Variants in KIF21B observed in about 807,000 individuals in gnomAD.
The protein encoded by KIF21B is kinesin family member 21B, also known as kinesin-like protein KIF21B.
A neutral mutation model predicts 192.9 loss-of-function variants in KIF21B; 85 were observed. That is an observed-to-expected ratio of 0.44 (90% confidence interval 0.37 to 0.53). The LOEUF (loss-of-function observed/expected upper bound fraction) is 0.53, where lower values mean the gene tolerates loss of function less well. Among genes scored for constraint, KIF21B ranks in the 20% least tolerant of loss-of-function variants. The probability of loss-of-function intolerance (pLI) is 0.00; values close to 1 mark genes in which losing one functional copy is unlikely to be tolerated. For missense variants in KIF21B, 1,716 were observed against 2,194.8 expected, an observed-to-expected ratio of 0.78 and a Z score of 4.36; for synonymous variants, 832 against 884.6, an observed-to-expected ratio of 0.94 and a Z score of 1.05.
chr1:201,014,089 C>G (rs1400364972), intron 1 of KIF21B, among the ~76,000 whole-genome samples: 1 of 152,238 alleles, frequency 6.6e-6, no homozygotes, highest in Non-Finnish European at 1.5e-5. Context: ...AGAGCGGGCG[C>G]GAGAGCGAGG....
At chr1:201,006,020 TGAGAAGATCC>T (rs1237200459) in intron 3 of KIF21B, among the ~76,000 whole-genome samples, 2 of 152,234 alleles carry the variant, frequency 1.3e-5, no homozygotes, top group African/African-American at 4.8e-5. Context: ...GGCCACAATT[TGAGAAGATCC>T]TGTCGTATTC....
chr1:200,984,339 A>C (rs1398483598), intron 27 of KIF21B, among the ~76,000 whole-genome samples: 1 of 152,238 alleles, frequency 6.6e-6, no homozygotes, highest in Non-Finnish European at 1.5e-5. Context: ...GCCTGAATGC[A>C]GGGGAGGCTG....
Position 200,974,899 on chromosome 1 carries a change from C to G in KIF21B, c.4629G>C (p.Ala1543=), listed in dbSNP as rs140999969. 6.2e-7 allele frequency: 1 copy of G among 1,613,784 alleles called. No individual in the cohort carries two copies. Among genetic ancestry groups the G allele is most frequent in the Non-Finnish European group, 8.5e-7 (1 of 1,179,990 alleles). The part of the protein sequence containing the change: ...QQELIQQIPN[A]HKDWVCALAF... ...CCAGGGCGCACACCCAGTCCTTGTG[C>G]GCATTGGGGATTTGCTGTGAGAGGA... Residue 1543 remains alanine (A), a synonymous_variant, in exon 34 of 35, where the codon GCG becomes GCC. Transcript: ENST00000461742.
intron 2 of KIF21B, 82 bp downstream of exon 2, chr1:201,009,184 C>T (rs1658091428): frequency 7.3e-7 from 1 of 1,370,054 alleles, no homozygotes; most frequent in Non-Finnish European, 1.0e-6. Flanking sequence ...GTTTCAGCTG[C>T]TCTGAAGGTG....
intron 8 of KIF21B, 30 bp downstream of exon 8, chr1:201,003,556 G>GT: frequency 6.2e-7 from 1 of 1,609,346 alleles, no homozygotes; most frequent in Non-Finnish European, 8.5e-7. Flanking sequence ...TCCAAGGGGA[G>GT]TGCTGGGCAA....
chr1:200,987,342 C>A (rs757158157), intron 24 of KIF21B, 141 bp from the exon 25 acceptor site: 1 of 700,688 alleles, frequency 1.4e-6, no homozygotes, highest in Non-Finnish European at 2.3e-6. Context: ...TAGGCTCATG[C>A]GATCCCCTCA....
At chr1:200,989,581 A>C (rs1188076468) in intron 21 of KIF21B, among the ~76,000 whole-genome samples, 7 of 151,972 alleles carry the variant, frequency 4.6e-5, no homozygotes, top group Admixed American at 4.6e-4. Flanking sequence ...TAGTTCCCCT[A>C]CCCCCACATA....
chr1:201,023,222 G>C lies in KIF21B; in HGVS notation c.41+121C>G. The C allele has an allele frequency of 1.2e-6, 1 of 802,680 alleles. No homozygotes were observed. 49.7% of individuals were successfully genotyped at this position (802,680 alleles called of 1,614,324 possible). On this transcript the variant is annotated intron_variant, in intron 1 of 34. Transcript: ENST00000461742. This position sits in a 1 kb window ranked among gnomAD's most constrained non-coding sequence, Gnocchi z 5.9. ...GGCGCCCTCCATCCCGTCCCACGCC[G>C]GCCCCTCCTCCGGGAGTGCAGGCTC...
Position 201,023,227 on chromosome 1 carries a change from C to G in KIF21B, c.41+116G>C, listed in dbSNP as rs1375456396. On this transcript the variant is annotated intron_variant, in intron 1 of 34. Transcript: ENST00000461742. This position sits in a 1 kb window ranked among gnomAD's most constrained non-coding sequence, Gnocchi z 5.9. The stretch of plus-strand genomic sequence containing the variant: ...CCTCCATCCCGTCCCACGCCGGCCC[C>G]TCCTCCGGGAGTGCAGGCTCCAGCC... 1.2e-6 allele frequency: 1 copy of G among 868,826 alleles called. No homozygotes were observed. Among genetic ancestry groups the G allele is most frequent in the Non-Finnish European group, 1.6e-6 (1 of 619,196 alleles). The allele number at this position is 868,826 out of a possible 1,614,324, so 53.8% of individuals were successfully genotyped here.
intron 14 of KIF21B, 57 bp from the exon 15 acceptor site, chr1:200,996,452 A>G: frequency 6.7e-7 from 1 of 1,495,588 alleles, no homozygotes; most frequent in Non-Finnish European, 9.3e-7. Context: ...CCCACTAAAT[A>G]CAGGGTCATC....
At chr1:201,012,571 C>T (rs1287325368) in intron 1 of KIF21B, among the ~76,000 whole-genome samples, 2 of 152,308 alleles carry the variant, frequency 1.3e-5, no homozygotes, top group Non-Finnish European at 1.5e-5. Flanking sequence ...TGGGTATCAA[C>T]TCCTGATCTG....
At chr1:200,995,887 C>A (rs931967871) in intron 15 of KIF21B, among the ~76,000 whole-genome samples, 2 of 152,150 alleles carry the variant, frequency 1.3e-5, no homozygotes, top group Admixed American at 1.3e-4. Context: ...GAGTATGCTG[C>A]AGCCTCCCCA....
chr1:200,980,241 A>T (rs296560), intron 29 of KIF21B, among the ~76,000 whole-genome samples: 144,713 of 152,266 alleles, frequency 0.95, 68,919 homozygotes, highest in Non-Finnish European at 0.98. Flanking sequence ...AATGAATGAA[A>T]GAGTAAATAA....
At chr1:201,020,807 C>CCA (rs1658774341) in intron 1 of KIF21B, among the ~76,000 whole-genome samples, 2 of 82,578 alleles carry the variant, frequency 2.4e-5, no homozygotes, top group Non-Finnish European at 4.3e-5. Context: ...CCTCTCTCCT[C>CCA]TACACACACA....
intron 3 of KIF21B, among the ~76,000 whole-genome samples, chr1:201,007,017 GAC>G (rs150595221): frequency 0.26 from 23,745 of 91,492 alleles, 4,151 homozygotes; most frequent in Middle Eastern, 0.41. Context: ...GAGACACACA[GAC>G]ACACACACAC....
chr1:200,995,863 C>T (rs1248736334), intron 15 of KIF21B, among the ~76,000 whole-genome samples: 1 of 152,112 alleles, frequency 6.6e-6, no homozygotes, highest in Non-Finnish European at 1.5e-5. Context: ...GTGCACTTTG[C>T]GCAGACCCGA....
intron 26 of KIF21B, among the ~76,000 whole-genome samples, chr1:200,985,901 A>G (rs965776232): frequency 1.4e-5 from 2 of 147,238 alleles, no homozygotes; most frequent in African/African-American, 5.1e-5. Flanking sequence ...GCTGGACTGC[A>G]ATGGCGTGAT....
At chr1:200,984,818 AC>A in intron 27 of KIF21B, 40 bp downstream of exon 27, 1 of 1,422,496 alleles carries the variant, frequency 7.0e-7, no homozygotes. Context: ...CCCCATTGCC[AC>A]CTCAGTGCCC....
Position 200,996,314 on chromosome 1 carries a change from T to C in KIF21B, c.2159A>G (p.Asp720Gly). 6.2e-7 allele frequency: 1 copy of C among 1,614,144 alleles called. No individual in the cohort carries two copies. The change falls in exon 15 of 35, where the codon GAC (aspartate) becomes GGC (glycine). Residue 720 changes from aspartate to glycine, a missense_variant. Physicochemically the swap from Asp to Gly is moderately conservative, Grantham distance 94. Around this residue, in one of 3 missense-constraint regions of KIF21B, gnomAD observed 1,087 missense variants for 1,316.6 expected, o/e 0.83. Transcript: ENST00000461742. Reference sequence around the variant, plus strand: ...CTGGGCGGCCTGCAGCTTCTGCAGGTCCCGGTTCATCTCCCGCAGCCTCTT... The same window carrying C: ...CTGGGCGGCCTGCAGCTTCTGCAGGCCCCGGTTCATCTCCCGCAGCCTCTT... ...YEKRLREMNR[D>G]LQKLQAAQKE...
Sources: gnomAD v4.1 joint callset for allele counts (sites outside exome capture counted in the v4.1 genomes callset) on GRCh38, gnomAD v4.1.1 for gene constraint, gnomAD v4.1.1 regional missense constraint, Gnocchi (gnomAD v3.1) non-coding constraint, MANE v1.5 for transcripts, NCBI Gene and HGNC (gene_info 2026-07-23, HGNC 2026-07-21) for gene names.